The following BPIFC variants were observed in gnomAD, a reference collection of about 807,000 sequenced individuals.
BPIFC encodes the protein BPI fold-containing family C protein.
Under a neutral mutation model 57.6 loss-of-function variants are expected in BPIFC, and 60 were observed. The observed-to-expected ratio is 1.04, with a 90% confidence interval of 0.85 to 1.29. BPIFC has a LOEUF of 1.29. BPIFC is among the 50% of genes most tolerant of loss of function. BPIFC has a pLI of 0.00. For missense variants in BPIFC, 581 were observed against 600.5 expected (o/e 0.97, Z 0.34); for synonymous variants, 243 against 224.5 (o/e 1.08, Z -0.74).
intron 7 of BPIFC, among the ~76,000 whole-genome samples, 183 bp downstream of exon 7, chr22:32,445,452 C>T (rs955195926): frequency 1.3e-5 from 2 of 151,770 alleles, no homozygotes; most frequent in Non-Finnish European, 2.9e-5. Context: ...CAGGAGAATC[C>T]CTTGAACCCA....
chr22:32,460,668 C>G (rs551148876), intron 2 of BPIFC, among the ~76,000 whole-genome samples: 1 of 152,330 alleles, frequency 6.6e-6, no homozygotes, highest in Non-Finnish European at 1.5e-5. Flanking sequence ...CCGTGCATAT[C>G]CCTAAGGCCC....
At chr22:32,457,555 A>ATCCG (rs946185240) in intron 2 of BPIFC, among the ~76,000 whole-genome samples, 169 bp from the exon 3 acceptor site, 3 of 143,176 alleles carry the variant, frequency 2.1e-5, no homozygotes, top group South Asian at 2.5e-4. Context: ...CCAACCATCC[A>ATCCG]TCCGTCCATC....
chr22:32,431,318 G>T, intron 13 of BPIFC, 29 bp downstream of exon 13: 1 of 1,577,444 alleles, frequency 6.3e-7, no homozygotes, highest in Non-Finnish European at 8.7e-7. Context: ...TTACTAAGGT[G>T]CCCCAACAGT....
intron 7 of BPIFC, 60 bp from the exon 8 acceptor site, chr22:32,442,791 T>C (rs1934601528): frequency 9.3e-6 from 14 of 1,507,274 alleles, no homozygotes; most frequent in Non-Finnish European, 1.3e-5. Flanking sequence ...GAAAGCCTTA[T>C]TGATGGGCCT....
Position 32,447,228 on chromosome 22 carries a change from A to G in BPIFC, c.358T>C (p.Phe120Leu). Residue 120 changes from phenylalanine to leucine, a missense_variant, in exon 5 of 17, where the codon TTC (phenylalanine) becomes CTC (leucine). Transcript: ENST00000300399. ...GTANISTDWGFESPLFQDTGG... is the reference protein window; with the variant it reads ...GTANISTDWGLESPLFQDTGG... Reference sequence around the variant, plus strand: ...AATACTCACAAAAGTGGAGACTCGAACCCCCAGTCTGTGCTGATGTTGGCA... The same window carrying G: ...AATACTCACAAAAGTGGAGACTCGAGCCCCCAGTCTGTGCTGATGTTGGCA... The G allele has an allele frequency of 6.2e-7, 1 of 1,605,032 alleles. No individual in the cohort carries two copies. The highest frequency in any genetic ancestry group is 8.5e-7 in the Non-Finnish European group (1 of 1,175,640).
Position 32,433,742 on chromosome 22 carries a change from C to T in BPIFC, c.955G>A (p.Gly319Ser). 6.2e-7 allele frequency: 1 copy of T among 1,613,940 alleles called. No individual in the cohort carries two copies. The highest frequency in any genetic ancestry group is 1.1e-5 in the South Asian group (1 of 91,054). ...ACCCGGGAGAGCACGTTGCCAAGGC[C>T]TTGAGAGTTTTGAACAAAATGGTTG... ...ISNHFVQNSQGLGNVLSRIAE... is the reference protein window; with the variant it reads ...ISNHFVQNSQSLGNVLSRIAE... Residue 319 changes from glycine (G) to serine (S), a missense_variant, in exon 11 of 17, where the codon GGC (glycine) becomes AGC (serine). Gly to Ser is a moderately conservative substitution (Grantham distance 56). Coordinates refer to ENST00000300399, the MANE Select transcript of BPIFC (RefSeq NM_174932.3).
intron 13 of BPIFC, among the ~76,000 whole-genome samples, chr22:32,428,222 A>T (rs1390033321): frequency 2.6e-5 from 4 of 152,008 alleles, no homozygotes; most frequent in African/African-American, 7.3e-5. Context: ...TTCATTTTTA[A>T]AAATTATTAT....
intron 8 of BPIFC, among the ~76,000 whole-genome samples, chr22:32,440,145 T>A (rs1934523687): frequency 6.6e-6 from 1 of 152,150 alleles, no homozygotes; most frequent in Non-Finnish European, 1.5e-5. Flanking sequence ...ATATATATAT[T>A]TTTTGAGACA....
At chr22:32,428,498 TGAA>T (rs1934136866) in intron 13 of BPIFC, among the ~76,000 whole-genome samples, 1 of 152,172 alleles carries the variant, frequency 6.6e-6, no homozygotes, top group South Asian at 2.1e-4. Context: ...AGGAAGCTAA[TGAA>T]GAAGTCAGGA....
chr22:32,432,460 G>A lies in BPIFC; in HGVS notation c.1062C>T (p.Gly354=), dbSNP rs1569450346. The A allele has an allele frequency of 1.9e-6, 3 of 1,614,076 alleles. No individual in the cohort carries two copies. Among genetic ancestry groups the A allele is most frequent in the East Asian group, 2.2e-5 (1 of 44,878 alleles). The part of the protein sequence containing the change: ...TEPPIINLQP[G]NFTLDIPASI... ...AGGCAGGGATGTCCAGGGTGAAATT[G>A]CCTGGTTGTAGATTGATTATGGGAG... The change falls in exon 12 of 17, where the codon GGC becomes GGT. Residue 354 remains glycine, a synonymous_variant. Coordinates refer to ENST00000300399, the MANE Select transcript of BPIFC (RefSeq NM_174932.3).
Position 32,435,710 on chromosome 22 carries a change from G to C in BPIFC, c.918C>G (p.Thr306=), listed in dbSNP as rs375648599. The change falls in exon 10 of 17, where the codon ACC becomes ACG. Residue 306 remains threonine (T), a synonymous_variant. Coordinates refer to ENST00000300399, the MANE Select transcript of BPIFC (RefSeq NM_174932.3). ...TAGVFNVTLS[T]EEISNHFVQN... is the part of the protein sequence containing the mutation. ...CTCAGTTAACTCTCCTCACCTCTTC[G>C]GTGGAGAGAGTGACATTGAAAACCC... 3 of 1,613,520 alleles carry C rather than the reference G, an allele frequency of 1.9e-6. No homozygotes were observed. The highest frequency in any genetic ancestry group is 2.7e-5 in the African/African-American group (2 of 75,000).
At chr22:32,462,497 G>A (rs5754105) in intron 1 of BPIFC, among the ~76,000 whole-genome samples, 134,486 of 152,244 alleles carry the variant, frequency 0.88, 59,668 homozygotes, top group East Asian at 0.99. Context: ...TAATAAACCA[G>A]AGAAGAAATA....
intron 2 of BPIFC, among the ~76,000 whole-genome samples, chr22:32,460,510 C>A (rs936365472): frequency 1.3e-5 from 2 of 152,192 alleles, no homozygotes; most frequent in Non-Finnish European, 2.9e-5. Flanking sequence ...GCTGGGTCAA[C>A]CTGCTTACAT....
At chr22:32,444,459 T>A (rs1387742760) in intron 7 of BPIFC, among the ~76,000 whole-genome samples, 1 of 152,182 alleles carries the variant, frequency 6.6e-6, no homozygotes, top group Non-Finnish European at 1.5e-5. Flanking sequence ...CCAGACCCTG[T>A]CTTTGTCCCT....
At chr22:32,445,735 A>AAG in intron 6 of BPIFC, 37 bp from the exon 7 acceptor site, 3 of 1,520,376 alleles carry the variant, frequency 2.0e-6, no homozygotes, top group East Asian at 4.6e-5. Flanking sequence ...AAAAAAAAAA[A>AAG]GAGGTTACTC....
intron 2 of BPIFC, among the ~76,000 whole-genome samples, chr22:32,461,298 G>GGAAACAA: frequency 6.6e-6 from 1 of 152,202 alleles, no homozygotes; most frequent in African/African-American, 2.4e-5. Flanking sequence ...AAGTTACAGA[G>GGAAACAA]GGAAACTGGG....
At chr22:32,444,712 C>T (rs1036909662) in intron 7 of BPIFC, among the ~76,000 whole-genome samples, 1 of 152,154 alleles carries the variant, frequency 6.6e-6, no homozygotes, top group Middle Eastern at 3.2e-3. Flanking sequence ...GGAAATACCT[C>T]TTCTTATCCT....
intron 2 of BPIFC, among the ~76,000 whole-genome samples, chr22:32,459,816 A>C (rs1935125387): frequency 6.6e-6 from 1 of 152,070 alleles, no homozygotes; most frequent in Admixed American, 6.6e-5. Flanking sequence ...ATGCCACTGC[A>C]CTCCAGCTTG....
At chr22:32,443,972 G>C (rs1264018062) in intron 7 of BPIFC, among the ~76,000 whole-genome samples, 3 of 152,192 alleles carry the variant, frequency 2.0e-5, no homozygotes, top group African/African-American at 7.2e-5. Flanking sequence ...TGAGTTGCCA[G>C]GTGTTGCATA....
Sources: allele counts gnomAD v4.1 joint callset (sites outside exome capture counted in the v4.1 genomes callset), GRCh38; gene constraint gnomAD v4.1.1; transcripts MANE v1.5; gene names NCBI Gene and HGNC (gene_info 2026-07-23, HGNC 2026-07-21).